The following C12orf75 variants were observed in gnomAD, a reference collection of about 807,000 sequenced individuals.
C12orf75 encodes chromosome 12 open reading frame 75.
Under a neutral mutation model 11.4 loss-of-function variants are expected in C12orf75, and 4 were observed. That is an observed-to-expected ratio of 0.35 (90% CI 0.17 to 0.80). C12orf75 has a LOEUF of 0.80. C12orf75 is among the 30% of genes least tolerant of loss of function. The probability of loss-of-function intolerance (pLI) is 0.52; values close to 1 mark genes in which losing one functional copy is unlikely to be tolerated. For synonymous variants in C12orf75, 30 were observed against 30.0 expected (o/e 1.00, Z 0.00); for missense variants, 89 against 80.4 (o/e 1.11, Z -0.41).
At chr12:105,354,989 T>C (rs527649407) in intron 2 of C12orf75, among the ~76,000 whole-genome samples, 1 of 151,984 alleles carries the variant, frequency 6.6e-6, no homozygotes, top group African/African-American at 2.4e-5. Flanking sequence ...GATTTTTTTT[T>C]CCTCCCTAGG....
chr12:105,358,710 C>A (rs568216465), intron 2 of C12orf75, among the ~76,000 whole-genome samples: 1 of 152,062 alleles, frequency 6.6e-6, no homozygotes, highest in African/African-American at 2.4e-5. Context: ...AGCAATTTAC[C>A]GATAGGTTTT....
At chr12:105,358,556 A>C (rs890513032) in intron 2 of C12orf75, among the ~76,000 whole-genome samples, 1 of 152,180 alleles carries the variant, frequency 6.6e-6, no homozygotes, top group Admixed American at 6.5e-5. Context: ...AAATAAATAC[A>C]GGGTTTTCCT....
At chr12:105,335,126 T>A (rs1053008671) in intron 1 of C12orf75, among the ~76,000 whole-genome samples, 1 of 152,260 alleles carries the variant, frequency 6.6e-6, no homozygotes, top group Non-Finnish European at 1.5e-5. Context: ...GTTTCCATAA[T>A]AGTTTTCTGC....
chr12:105,358,842 G>A (rs1240623809), intron 2 of C12orf75, among the ~76,000 whole-genome samples: 2 of 152,100 alleles, frequency 1.3e-5, no homozygotes, highest in Non-Finnish European at 2.9e-5. Context: ...CTTTAGTACT[G>A]GCTTCCTCCA....
rs1239037377 is a variant in C12orf75 at position 105,339,950 on chromosome 12, C to A, written c.47-8652C>A. ...TTCTTTTAAAAGATAAAAGTATGTT[C>A]TTCATAATAGACTTTGGCATTTGGG... On this transcript the variant is annotated intron_variant, in intron 1 of 5. Transcript: ENST00000443585. Among the ~76,000 whole-genome samples, 3 of 151,918 alleles carry A rather than the reference C, an allele frequency of 2.0e-5. No homozygotes were observed. The East Asian group carries it at 5.8e-4, about 29-fold the overall frequency.
chr12:105,340,251 C>T (rs1592877124), intron 1 of C12orf75, among the ~76,000 whole-genome samples: 1 of 151,610 alleles, frequency 6.6e-6, no homozygotes, highest in East Asian at 2.0e-4. Flanking sequence ...CAGTGAAACC[C>T]CATCTCTACT....
At chr12:105,367,636 T>G in intron 5 of C12orf75, 127 bp downstream of exon 5, 1 of 314,412 alleles carries the variant, frequency 3.2e-6, no homozygotes, top group South Asian at 9.8e-5. Flanking sequence ...AGGGGTTTCA[T>G]CCTATGGAAT....
At chr12:105,363,970 G>A (rs1384316955) in intron 2 of C12orf75, among the ~76,000 whole-genome samples, 2 of 152,178 alleles carry the variant, frequency 1.3e-5, no homozygotes, top group Non-Finnish European at 2.9e-5. Context: ...ATTTGGGAAA[G>A]TGAAAATATA....
intron 2 of C12orf75, among the ~76,000 whole-genome samples, chr12:105,360,488 T>C (rs1669497729): frequency 6.6e-6 from 1 of 152,198 alleles, no homozygotes; most frequent in Admixed American, 6.5e-5. Flanking sequence ...TGAAACCTAA[T>C]AGAAATCTAT....
In C12orf75 at chr12:105,370,572, A is replaced by AT. The variant is rs1216381047; in HGVS notation, c.*34-56dup. 3 of 457,358 alleles carry AT rather than the reference A, an allele frequency of 6.6e-6. No individual in the cohort carries two copies. In the Admixed American group the frequency reaches 7.1e-5, roughly 11 times the overall value. The allele number at this position is 457,358 out of a possible 1,614,324, so 28.3% of individuals were successfully genotyped here. On this transcript the variant is annotated intron_variant, in intron 5 of 5. Transcript: ENST00000443585. ...TAACTTGTAGGCTTAAGGCTAATAC[A>AT]TTTTTTAACCTAAGTTGTACCTGTT... is the stretch of plus-strand genomic sequence containing the variant.
intron 1 of C12orf75, among the ~76,000 whole-genome samples, chr12:105,338,256 C>A (rs908762626): frequency 2.0e-5 from 3 of 152,136 alleles, no homozygotes; most frequent in East Asian, 3.9e-4. Context: ...CTCAGTGCAA[C>A]CTCCACCTCC....
At chr12:105,367,174 C>T (rs1237783370) in intron 4 of C12orf75, among the ~76,000 whole-genome samples, 4 of 152,140 alleles carry the variant, frequency 2.6e-5, no homozygotes, top group Non-Finnish European at 5.9e-5. Context: ...TGATAGATAT[C>T]TTCTTGCTCA....
At chr12:105,366,523 A>G in intron 3 of C12orf75, 94 bp from the exon 4 acceptor site, 1 of 518,672 alleles carries the variant, frequency 1.9e-6, no homozygotes, top group Non-Finnish European at 3.4e-6. Flanking sequence ...GAGTTATTTT[A>G]ATAATTATAT....
intron 2 of C12orf75, among the ~76,000 whole-genome samples, chr12:105,350,558 C>T (rs1328567535): frequency 6.6e-6 from 1 of 152,186 alleles, no homozygotes; most frequent in African/African-American, 2.4e-5. Context: ...AGAAGTATTT[C>T]CTGGCTCTCT....
At chr12:105,340,790 A>G (rs896625804) in intron 1 of C12orf75, among the ~76,000 whole-genome samples, 8 of 152,172 alleles carry the variant, frequency 5.3e-5, no homozygotes, top group African/African-American at 1.9e-4. Context: ...CTCTAAATCC[A>G]ATGAGAAGGG....
chr12:105,340,445 A>T (rs1892556305), intron 1 of C12orf75, among the ~76,000 whole-genome samples: 1 of 151,894 alleles, frequency 6.6e-6, no homozygotes, highest in South Asian at 2.1e-4. Context: ...AAAAAAAAAA[A>T]AAAAATTTAC....
At chr12:105,361,658 T>G (rs765743684) in intron 2 of C12orf75, among the ~76,000 whole-genome samples, 2 of 152,120 alleles carry the variant, frequency 1.3e-5, no homozygotes, top group Non-Finnish European at 2.9e-5. Context: ...CCAGGGGTCT[T>G]TATTGCTGTG....
intron 1 of C12orf75, among the ~76,000 whole-genome samples, chr12:105,341,986 A>C (rs936260359): frequency 6.6e-6 from 1 of 152,226 alleles, no homozygotes; most frequent in Non-Finnish European, 1.5e-5. Context: ...TTCCACCATG[A>C]CTGTGAGGCC....
In C12orf75 at chr12:105,360,356, C is replaced by T. The variant is rs78323991; in HGVS notation, c.72-5451C>T. On this transcript the variant is annotated intron_variant, in intron 2 of 5. Coordinates refer to ENST00000443585, the MANE Select transcript of C12orf75 (RefSeq NM_001145199.2). ...AAATAATCACATCCTTGGTGAAGAA[C>T]GGAGTGGCTCATCCAGGAGCTTATG... Among the ~76,000 whole-genome samples the T allele has an allele frequency of 5.8e-3, 881 of 152,342 alleles. 3 individuals are homozygous for T. The highest frequency in any genetic ancestry group is 0.01 in the Non-Finnish European group (688 of 68,040).
Sources: allele counts gnomAD v4.1 joint callset (sites outside exome capture counted in the v4.1 genomes callset), GRCh38; gene constraint gnomAD v4.1.1; transcripts MANE v1.5; gene names NCBI Gene and HGNC (gene_info 2026-07-23, HGNC 2026-07-21).